STKLD1: variants seen among roughly 807,000 people sequenced by gnomAD.
STKLD1 encodes the protein serine/threonine kinase like domain containing 1, also known as serine/threonine kinase-like domain-containing protein STKLD1.
A neutral mutation model predicts 80.4 loss-of-function variants in STKLD1; 79 were observed. The observed-to-expected ratio is 0.98, with a 90% CI of 0.82 to 1.19. The LOEUF (loss-of-function observed/expected upper bound fraction) is 1.19. Among genes scored for constraint, STKLD1 ranks in the 50% most tolerant of loss-of-function variants. The pLI, the probability that STKLD1 is intolerant of heterozygous loss-of-function variation, is 0.00. For synonymous variants in STKLD1, 393 were observed against 357.6 expected (o/e 1.10, Z -1.12); for missense variants, 841 against 856.0 (o/e 0.98, Z 0.22).
chr9:133,378,929 A>T, intron 1 of STKLD1, 107 bp from the exon 2 acceptor site: 1 of 956,316 alleles, frequency 1.0e-6, no homozygotes, highest in Non-Finnish European at 1.6e-6. Context: ...TTGCTCTGCC[A>T]GCCTGACAGG....
At chr9:133,400,199 A>G (rs886700432) in intron 11 of STKLD1, among the ~76,000 whole-genome samples, 3 of 152,196 alleles carry the variant, frequency 2.0e-5, no homozygotes, top group Non-Finnish European at 2.9e-5. Context: ...GGGAGGGGCC[A>G]CTTCACAGGG....
chr9:133,377,742 A>G (rs1413085848), intron 1 of STKLD1, among the ~76,000 whole-genome samples: 1 of 152,106 alleles, frequency 6.6e-6, no homozygotes, highest in African/African-American at 2.4e-5. Flanking sequence ...TTTTCCACAG[A>G]TGGAGGCGGG....
chr9:133,388,165 G>A (rs1210395599), intron 5 of STKLD1, among the ~76,000 whole-genome samples: 1 of 152,158 alleles, frequency 6.6e-6, no homozygotes, highest in African/African-American at 2.4e-5. Flanking sequence ...TTTCCGACTT[G>A]GTTTGGTTGG....
chr9:133,380,211 A>G (rs1453265264), intron 2 of STKLD1, among the ~76,000 whole-genome samples: 1 of 151,886 alleles, frequency 6.6e-6, no homozygotes, highest in African/African-American at 2.4e-5. Flanking sequence ...AATTTTTTGT[A>G]TTTTAGTAGA....
At chr9:133,401,989 C>A (rs1838718627) in intron 13 of STKLD1, 111 bp downstream of exon 13, 3 of 1,337,902 alleles carry the variant, frequency 2.2e-6, no homozygotes, top group South Asian at 3.0e-5. Flanking sequence ...CAGTGCTGGG[C>A]CTCCTCCTGA....
chr9:133,399,501 T>G (rs1239391293), intron 11 of STKLD1, among the ~76,000 whole-genome samples: 2 of 152,174 alleles, frequency 1.3e-5, no homozygotes, highest in Non-Finnish European at 2.9e-5. Context: ...CTGGGGAAAC[T>G]AGGGAAGCTG....
chr9:133,395,621 C>A lies in STKLD1; in HGVS notation c.724C>A (p.Arg242=). Residue 242 remains arginine, a synonymous_variant, in exon 9 of 18, where the codon CGG becomes AGG. Transcript: ENST00000371957. ...FMDGTEAMHL[R]KSLRQSPGSL... The stretch of plus-strand genomic sequence containing the variant: ...GCAGGGCACAGAAGCCATGCATCTG[C>A]GGAAGTCCCTCCGCCAGAGCCCAGG... 3 of 1,612,958 alleles carry A rather than the reference C, an allele frequency of 1.9e-6. No individual in the cohort carries two copies. Among genetic ancestry groups the A allele is most frequent in the Non-Finnish European group, 2.5e-6 (3 of 1,179,946 alleles).
intron 4 of STKLD1, among the ~76,000 whole-genome samples, chr9:133,386,125 G>T (rs2130276760): frequency 6.6e-6 from 1 of 152,170 alleles, no homozygotes; most frequent in Non-Finnish European, 1.5e-5. Context: ...CACCATGTTG[G>T]CTGGGCTGGT....
At chr9:133,376,755 C>T (rs2130251213) in intron 1 of STKLD1, among the ~76,000 whole-genome samples, 195 bp downstream of exon 1, 3 of 152,324 alleles carry the variant, frequency 2.0e-5, no homozygotes, top group East Asian at 3.9e-4. Flanking sequence ...CAGTTTCCCC[C>T]TTTGTGAATT....
rs1838356740 is a variant in STKLD1, at chr9:133,390,237, AC to A, written c.468-443del. 1.4e-5 allele frequency among the ~76,000 whole-genome samples: 2 copies of A among 140,974 alleles called. No individual in the cohort carries two copies. Among genetic ancestry groups the A allele is most frequent in the African/African-American group, 5.6e-5 (2 of 35,670 alleles). The allele number at this position is 140,974 out of a possible 152,430, so 92.5% of individuals were successfully genotyped here. On this transcript the variant is annotated intron_variant, in intron 6 of 17. Transcript: ENST00000371957. This position sits in a 1 kb window ranked among gnomAD's most constrained non-coding sequence, Gnocchi z 5.1. ...CACACACACACACACACACACACACACACACACACACACACCACGCAGACCA... is the reference window on the plus strand; with the variant it reads ...CACACACACACACACACACACACACAACACACACACACACCACGCAGACCA...
At chr9:133,397,044 A>G in intron 9 of STKLD1, 120 bp from the exon 10 acceptor site, 1 of 1,400,400 alleles carries the variant, frequency 7.1e-7, no homozygotes. Context: ...CAAAACAGGG[A>G]GTTCAGTGTC....
In STKLD1 at chr9:133,403,682, T is replaced by C. The variant is rs1838766240; in HGVS notation, c.1475-18T>C. ...CCCAAGGCCTGGGTGTCCCCTTCCA[T>C]CCCTGTCCTCGTTCCAGGTATCATT... On this transcript the variant is annotated intron_variant, in intron 14 of 17. Coordinates refer to ENST00000371957, the MANE Select transcript of STKLD1 (RefSeq NM_153710.5). 3.1e-6 allele frequency: 5 copies of C among 1,610,518 alleles called. No homozygotes were observed. Among genetic ancestry groups the C allele is most frequent in the Non-Finnish European group, 4.2e-6 (5 of 1,177,682 alleles).
intron 16 of STKLD1, among the ~76,000 whole-genome samples, chr9:133,404,496 G>A (rs1177862764): frequency 6.6e-6 from 1 of 152,218 alleles, no homozygotes; most frequent in African/African-American, 2.4e-5. Flanking sequence ...CAAGACACTA[G>A]CTGGTGCCTG....
intron 4 of STKLD1, among the ~76,000 whole-genome samples, chr9:133,386,351 C>T (rs2130277373): frequency 9.2e-5 from 14 of 152,242 alleles, no homozygotes; most frequent in South Asian, 2.1e-4. Flanking sequence ...GGGCTCTGCA[C>T]GCAGCCAACG....
chr9:133,405,079 T>C, intron 17 of STKLD1, 150 bp downstream of exon 17: 1 of 1,367,838 alleles, frequency 7.3e-7, no homozygotes. Flanking sequence ...TGGCATCTTC[T>C]GAGCACCAGG....
chr9:133,400,686 G>A (rs1554777483), intron 12 of STKLD1, among the ~76,000 whole-genome samples, 157 bp downstream of exon 12: 1 of 152,258 alleles, frequency 6.6e-6, no homozygotes, highest in Non-Finnish European at 1.5e-5. Flanking sequence ...TCTAGGCCAA[G>A]GTGGATGCCA....
At position 133,391,847 on chromosome 9, in the gene STKLD1, A is replaced by G. The variant is rs2130290347; in HGVS notation, c.583+1051A>G. On this transcript the variant is annotated intron_variant, in intron 7 of 17. Transcript: ENST00000371957. ...ACACCCAAGAATGATCAATTAAAAA[A>G]AAAAAAAAGAAAGAAAATGCCCAGG... 6.1e-4 allele frequency among the ~76,000 whole-genome samples: 92 copies of G among 151,784 alleles called. 1 individual carries two copies. Among genetic ancestry groups the G allele is most frequent in the African/African-American group, 2.1e-3 (88 of 41,372 alleles).
chr9:133,403,039 A>C (rs1265441166), intron 14 of STKLD1, 27 bp downstream of exon 14: 2 of 1,541,760 alleles, frequency 1.3e-6, no homozygotes, highest in Admixed American at 3.9e-5. Flanking sequence ...CTGCTGTCCC[A>C]CCGGGGCTGG....
intron 5 of STKLD1, chr9:133,388,723 C>T (rs892943336): frequency 2.0e-6 from 2 of 984,604 alleles, no homozygotes; most frequent in South Asian, 4.7e-5. Context: ...TTTGCCTTCA[C>T]ATTTAGATCT....
Sources: gnomAD v4.1 joint callset for allele counts (sites outside exome capture counted in the v4.1 genomes callset) on GRCh38, gnomAD v4.1.1 for gene constraint, Gnocchi (gnomAD v3.1) non-coding constraint, MANE v1.5 for transcripts, NCBI Gene and HGNC (gene_info 2026-07-23, HGNC 2026-07-21) for gene names.